RBPMS: variants seen among roughly 807,000 people sequenced by gnomAD.
RBPMS encodes RNA binding protein, mRNA processing factor.
In RBPMS, 7 loss-of-function variants were observed where a neutral mutation model predicts 26.8. The observed-to-expected ratio is 0.26, with a 90% CI of 0.15 to 0.49. The LOEUF is 0.49. Among genes scored for constraint, RBPMS ranks in the 20% least tolerant of loss-of-function variants. The pLI, the probability that RBPMS is intolerant of heterozygous loss-of-function variation, is 0.98. For missense variants in RBPMS, 186 were observed against 250.0 expected, an observed-to-expected ratio of 0.74 and a Z score of 1.73; for synonymous variants, 96 against 93.3, an observed-to-expected ratio of 1.03 and a Z score of -0.17.
At chr8:30,496,145 A>C (rs1819914470) in intron 4 of RBPMS, among the ~76,000 whole-genome samples, 1 of 150,108 alleles carries the variant, frequency 6.7e-6, no homozygotes, top group South Asian at 2.1e-4. Context: ...TCAGTCATAT[A>C]ACAGCCTTCA....
chr8:30,421,842 C>G (rs1011834151), intron 1 of RBPMS, among the ~76,000 whole-genome samples: 46 of 151,990 alleles, frequency 3.0e-4, no homozygotes, highest in Non-Finnish European at 5.9e-4. Flanking sequence ...ATAGTCCTAG[C>G]TACTCGGGAG....
rs541874994 is a variant in RBPMS at position 30,533,763 on chromosome 8, A to G, written c.398-10731A>G. On this transcript the variant is annotated intron_variant, in intron 5 of 8. Coordinates refer to ENST00000397323, the MANE Select transcript of RBPMS (RefSeq NM_001008710.3). ...ATTTCTTTTCAGGACTAGTAACAGT[A>G]TAATTTTTGCTTGTACACAAATCAG... Among the ~76,000 whole-genome samples the G allele has an allele frequency of 5.9e-5, 9 of 152,340 alleles. No homozygotes were observed. In the East Asian group the frequency reaches 1.5e-3, roughly 26 times the overall value.
intron 6 of RBPMS, chr8:30,558,346 G>A (rs1022490189): frequency 2.9e-5 from 5 of 170,328 alleles, no homozygotes; most frequent in African/African-American, 1.2e-4. Flanking sequence ...CCTCAGTAGG[G>A]TGAACAGAGG....
intron 1 of RBPMS, among the ~76,000 whole-genome samples, chr8:30,423,384 T>A (rs767224622): frequency 6.6e-6 from 1 of 152,180 alleles, no homozygotes; most frequent in African/African-American, 2.4e-5. Context: ...TTCCTCTTTG[T>A]GTATGCAGGG....
At chr8:30,472,456 G>A (rs937394165) in intron 1 of RBPMS, among the ~76,000 whole-genome samples, 4 of 152,124 alleles carry the variant, frequency 2.6e-5, no homozygotes, top group Non-Finnish European at 5.9e-5. Flanking sequence ...ATAAACTTTT[G>A]GTGGTGATAG....
At chr8:30,537,248 G>A (rs1490101483) in intron 5 of RBPMS, among the ~76,000 whole-genome samples, 2 of 152,236 alleles carry the variant, frequency 1.3e-5, no homozygotes, top group Admixed American at 6.5e-5. Flanking sequence ...CCTCGAAGAA[G>A]TGGGCAGCAA....
Position 30,549,804 on chromosome 8 carries a change from T to TCTCCCTCCCC in RBPMS, c.528+5181_528+5182insTCCCTCCCCC, listed in dbSNP as rs1383466717. 2.9e-5 allele frequency among the ~76,000 whole-genome samples: 3 copies of TCTCCCTCCCC among 102,818 alleles called. No individual in the cohort carries two copies. The East Asian group carries it at 8.0e-4, about 28-fold the overall frequency. The allele number at this position is 102,818 out of a possible 152,430, so 67.5% of individuals were successfully genotyped here. ...TCTCTCTCTCTCTCTCTCCCCTCTCTCCTCTCTCTCTCTCTCTCTCTCTTT... is the reference window on the plus strand; with the variant it reads ...TCTCTCTCTCTCTCTCTCCCCTCTCTCTCCCTCCCCCCTCTCTCTCTCTCTCTCTCTCTTT... On this transcript the variant is annotated intron_variant, in intron 6 of 8. Transcript: ENST00000397323.
At chr8:30,481,584 C>G (rs1818286281) in intron 4 of RBPMS, among the ~76,000 whole-genome samples, 1 of 151,992 alleles carries the variant, frequency 6.6e-6, no homozygotes, top group Admixed American at 6.6e-5. Flanking sequence ...TTCTTTAGCA[C>G]TGTCCTCTCC....
chr8:30,517,785 T>C lies in RBPMS; in HGVS notation c.397+13349T>C, dbSNP rs186218623. 2.6e-5 allele frequency among the ~76,000 whole-genome samples: 4 copies of C among 152,298 alleles called. No homozygotes were observed. In the East Asian group the frequency reaches 7.7e-4, roughly 29 times the overall value. On this transcript the variant is annotated intron_variant, in intron 5 of 8. Transcript: ENST00000397323. ...ACTGATGAAGCCAATCATTATTCAGTGTATGGGAAAGACCTGGTGGTCTTC... is the reference window on the plus strand; with the variant it reads ...ACTGATGAAGCCAATCATTATTCAGCGTATGGGAAAGACCTGGTGGTCTTC...
intron 7 of RBPMS, chr8:30,565,264 T>C (rs1827806958): frequency 6.6e-6 from 1 of 152,228 alleles, no homozygotes; most frequent in African/African-American, 2.4e-5. Context: ...GGCTCACTCT[T>C]GATTCCAGAG....
At chr8:30,499,724 G>A (rs1820352172) in intron 4 of RBPMS, among the ~76,000 whole-genome samples, 1 of 152,174 alleles carries the variant, frequency 6.6e-6, no homozygotes, top group South Asian at 2.1e-4. Flanking sequence ...GGAGACTAAA[G>A]TGATGACAAC....
At chr8:30,472,624 A>C (rs533705249) in intron 1 of RBPMS, among the ~76,000 whole-genome samples, 2 of 152,378 alleles carry the variant, frequency 1.3e-5, no homozygotes, top group Admixed American at 1.3e-4. Context: ...AAAATAAGGC[A>C]TTCAGAATTC....
intron 1 of RBPMS, among the ~76,000 whole-genome samples, chr8:30,443,799 G>C (rs750023553): frequency 6.6e-6 from 1 of 152,020 alleles, no homozygotes; most frequent in Non-Finnish European, 1.5e-5. Flanking sequence ...ATTTCACCGC[G>C]TTGGCCGGGA....
intron 6 of RBPMS, among the ~76,000 whole-genome samples, chr8:30,557,883 G>GT (rs1481139139): frequency 7.9e-5 from 12 of 152,238 alleles, no homozygotes; most frequent in Non-Finnish European, 1.3e-4. Flanking sequence ...TTTCTTGTTT[G>GT]TTTTGAGATT....
chr8:30,392,172 A>G (rs958839894), intron 1 of RBPMS, among the ~76,000 whole-genome samples: 6 of 152,154 alleles, frequency 3.9e-5, no homozygotes, highest in African/African-American at 1.4e-4. Flanking sequence ...AGCACAGCCA[A>G]ACCTGCAAGG....
chr8:30,542,767 C>T (rs1320449311), intron 5 of RBPMS, among the ~76,000 whole-genome samples: 1 of 152,208 alleles, frequency 6.6e-6, no homozygotes, highest in Non-Finnish European at 1.5e-5. Context: ...ACTAGCTGGG[C>T]TCCCACGTGA....
chr8:30,549,931 A>G (rs937825619), intron 6 of RBPMS, among the ~76,000 whole-genome samples: 2 of 147,942 alleles, frequency 1.4e-5, no homozygotes, highest in African/African-American at 5.0e-5. Context: ...GCTCACTGCA[A>G]GCTCCGCCTC....
chr8:30,389,580 A>T (rs1027519256), intron 1 of RBPMS, among the ~76,000 whole-genome samples: 1 of 152,154 alleles, frequency 6.6e-6, no homozygotes, highest in African/African-American at 2.4e-5. Flanking sequence ...TTGATTTAGT[A>T]CCTTTATTTT....
chr8:30,481,226 A>AG (rs1386318768), intron 4 of RBPMS, among the ~76,000 whole-genome samples: 1 of 152,206 alleles, frequency 6.6e-6, no homozygotes, highest in Admixed American at 6.5e-5. Context: ...TTGGCCTTCC[A>AG]GAGTGTTGAG....
Sources: allele counts gnomAD v4.1 joint callset (sites outside exome capture counted in the v4.1 genomes callset), GRCh38; gene constraint gnomAD v4.1.1; transcripts MANE v1.5; gene names NCBI Gene and HGNC (gene_info 2026-07-23, HGNC 2026-07-21).